Variants in TRHDE observed in about 807,000 individuals in gnomAD.
TRHDE encodes thyrotropin-releasing hormone-degrading ectoenzyme.
Under a neutral mutation model 125.7 loss-of-function variants are expected in TRHDE, and 72 were observed. The observed-to-expected ratio is 0.57, with a 90% CI of 0.47 to 0.70. The LOEUF (loss-of-function observed/expected upper bound fraction) is 0.70, where lower values mean the gene tolerates loss of function less well. Ranked by LOEUF, TRHDE falls within the 30% of genes least tolerant of loss-of-function variation. TRHDE has a pLI of 0.00. For missense variants in TRHDE, 1,110 were observed against 1,327.1 expected, an observed-to-expected ratio of 0.84 and a Z score of 2.54; for synonymous variants, 509 against 509.1, an observed-to-expected ratio of 1.00 and a Z score of 0.00.
intron 2 of TRHDE, among the ~76,000 whole-genome samples, chr12:72,353,829 T>C (rs1565709846): frequency 6.6e-6 from 1 of 151,638 alleles, no homozygotes; most frequent in Non-Finnish European, 1.5e-5. Flanking sequence ...TCTTCTACTA[T>C]TGATGGGTGT....
At chr12:72,389,252 C>T (rs1305003872) in intron 3 of TRHDE, among the ~76,000 whole-genome samples, 1 of 151,836 alleles carries the variant, frequency 6.6e-6, no homozygotes, top group African/African-American at 2.4e-5. Context: ...GTACAGAAAC[C>T]CTAAGGAGGA....
At chr12:72,141,729 T>A (rs1167053059) in intron 2 of TRHDE, among the ~76,000 whole-genome samples, 2 of 152,230 alleles carry the variant, frequency 1.3e-5, no homozygotes, top group Non-Finnish European at 2.9e-5. Context: ...CATGCTATAA[T>A]GTAGGTAGTA....
At chr12:72,160,539 A>T (rs1469724919) in intron 2 of TRHDE, among the ~76,000 whole-genome samples, 1 of 152,112 alleles carries the variant, frequency 6.6e-6, no homozygotes, top group Non-Finnish European at 1.5e-5. Flanking sequence ...ATACAAAAAA[A>T]TTAGCTGGGC....
intron 2 of TRHDE, among the ~76,000 whole-genome samples, chr12:72,109,130 A>G (rs991038679): frequency 3.3e-5 from 5 of 152,046 alleles, no homozygotes; most frequent in Admixed American, 6.6e-5. Flanking sequence ...ACTATGTGCT[A>G]GGCAATTTGT....
chr12:72,640,548 CTTT>C (rs1874012890), intron 15 of TRHDE, among the ~76,000 whole-genome samples: 1 of 151,124 alleles, frequency 6.6e-6, no homozygotes, highest in African/African-American at 2.4e-5. Flanking sequence ...TCCTTTGTTT[CTTT>C]ATCAAATTAT....
Position 72,226,510 on chromosome 12 carries a change from A to T in TRHDE, n.279+120758A>T, listed in dbSNP as rs1878130810. Among the ~76,000 whole-genome samples, 3 of 152,322 alleles carry T rather than the reference A, an allele frequency of 2.0e-5. No homozygotes were observed. The South Asian group carries it at 6.2e-4, about 32-fold the overall frequency. ...TAACTGCAGCGTATTTGAATGGAAA[A>T]ATAGTTATATTAATAAAATATAAAT... On this transcript the variant is annotated intron_variant and non_coding_transcript_variant, in intron 2 of 4. Transcript: ENST00000548156.
chr12:72,469,791 C>T lies in TRHDE; in HGVS notation c.1349C>T (p.Ala450Val). ...GCTGTGCCTAAGCATCCGTATGCTG[C>T]TATGGAGAACTGGGGACTAAGTATT... ...LLAVPKHPYA[A>V]MENWGLSIFV... Residue 450 changes from alanine (A) to valine (V), a missense_variant, in exon 4 of 19, where the codon GCT becomes GTT. Coordinates refer to ENST00000261180, the MANE Select transcript of TRHDE (RefSeq NM_013381.3). 6.2e-7 allele frequency: 1 copy of T among 1,614,048 alleles called. No individual in the cohort carries two copies. The highest frequency in any genetic ancestry group is 8.5e-7 in the Non-Finnish European group (1 of 1,179,978).
At chr12:72,131,064 A>G (rs1283478424) in intron 2 of TRHDE, among the ~76,000 whole-genome samples, 3 of 144,846 alleles carry the variant, frequency 2.1e-5, no homozygotes, top group Non-Finnish European at 3.0e-5. Flanking sequence ...TACTTAATGT[A>G]ATTTTTTTTT....
In TRHDE at chr12:72,273,885, G is replaced by A. The variant is rs1178936311; in HGVS notation, c.914+328G>A. The A allele has an allele frequency of 1.4e-5, 4 of 293,926 alleles. No individual in the cohort carries two copies. The highest frequency in any genetic ancestry group is 2.5e-5 in the Non-Finnish European group (4 of 156,910). The allele number at this position is 293,926 out of a possible 1,614,324, so 18.2% of individuals were successfully genotyped here. A position where few individuals can be genotyped will look rare whatever the true frequency, so the allele number is the denominator to read the frequency against. Reference sequence around the variant, plus strand: ...TTTTCTGAAGGGTAGCTGATAATCTGAGCGATGCCAGAGTGACATGAAAAG... The same window carrying A: ...TTTTCTGAAGGGTAGCTGATAATCTAAGCGATGCCAGAGTGACATGAAAAG... On this transcript the variant is annotated intron_variant, in intron 1 of 18. Coordinates refer to ENST00000261180, the MANE Select transcript of TRHDE (RefSeq NM_013381.3). This position sits in a 1 kb window ranked among gnomAD's most constrained non-coding sequence, Gnocchi z 5.3.
intron 5 of TRHDE, among the ~76,000 whole-genome samples, chr12:72,492,658 G>C (rs374950444): frequency 6.6e-6 from 1 of 151,770 alleles, no homozygotes; most frequent in East Asian, 1.9e-4. Context: ...CACCAACTGT[G>C]CAGTGCTAAT....
intron 1 of TRHDE, among the ~76,000 whole-genome samples, chr12:72,103,742 T>G (rs1489947705): frequency 2.0e-5 from 3 of 152,204 alleles, no homozygotes; most frequent in African/African-American, 7.2e-5. Context: ...GGAATGCAAG[T>G]AATTTCTTTT....
chr12:72,303,802 CTT>C (rs1382006663), intron 2 of TRHDE, among the ~76,000 whole-genome samples: 1 of 152,100 alleles, frequency 6.6e-6, no homozygotes, highest in African/African-American at 2.4e-5. Flanking sequence ...GAAATATAAT[CTT>C]TATGTCACAT....
chr12:72,503,269 A>AGG (rs1303060908), intron 6 of TRHDE, among the ~76,000 whole-genome samples: 1 of 152,208 alleles, frequency 6.6e-6, no homozygotes, highest in Non-Finnish European at 1.5e-5. Context: ...CTCACTTTAA[A>AGG]GGTAAGTATG....
intron 5 of TRHDE, among the ~76,000 whole-genome samples, chr12:72,482,387 T>A (rs2135914836): frequency 6.6e-6 from 1 of 152,062 alleles, no homozygotes; most frequent in Non-Finnish European, 1.5e-5. Flanking sequence ...AAAATAAAAT[T>A]GGGCATGGTA....
chr12:72,093,967 T>C (rs145195465), intron 1 of TRHDE, among the ~76,000 whole-genome samples: 1,627 of 152,288 alleles, frequency 0.011, 19 homozygotes, highest in Middle Eastern at 0.037. Context: ...TTACAGACTG[T>C]TTTGGCAGGT....
intron 15 of TRHDE, among the ~76,000 whole-genome samples, chr12:72,645,424 G>A (rs1875760950): frequency 6.6e-6 from 1 of 152,064 alleles, no homozygotes; most frequent in African/African-American, 2.4e-5. Flanking sequence ...ACTTAAAAGA[G>A]CAAAAATGTA....
At chr12:72,198,551 G>C (rs1877490355) in intron 2 of TRHDE, among the ~76,000 whole-genome samples, 1 of 152,054 alleles carries the variant, frequency 6.6e-6, no homozygotes, top group South Asian at 2.1e-4. Flanking sequence ...TGGTTCAATG[G>C]ATAGGTTAGC....
chr12:72,322,895 G>A (rs1869163795), intron 2 of TRHDE, among the ~76,000 whole-genome samples: 1 of 152,090 alleles, frequency 6.6e-6, no homozygotes, highest in Non-Finnish European at 1.5e-5. Context: ...TGGGGACTTA[G>A]CCTACCTAGG....
At chr12:72,189,459 T>C (rs529099308) in intron 2 of TRHDE, among the ~76,000 whole-genome samples, 1 of 152,218 alleles carries the variant, frequency 6.6e-6, no homozygotes, top group South Asian at 2.1e-4. Context: ...TATTTTACCA[T>C]CCCAAAGGAA....
Sources: allele counts gnomAD v4.1 joint callset (sites outside exome capture counted in the v4.1 genomes callset), GRCh38; gene constraint gnomAD v4.1.1; non-coding constraint Gnocchi (gnomAD v3.1); transcripts MANE v1.5; gene names NCBI Gene and HGNC (gene_info 2026-07-23, HGNC 2026-07-21).